Variants in AATF observed in about 807,000 individuals in gnomAD.
The protein encoded by AATF is apoptosis antagonizing transcription factor, also known as protein AATF.
In AATF, 48 loss-of-function variants were observed where a neutral mutation model predicts 63.7. The ratio of observed to expected loss-of-function variants is 0.75; its 90% CI spans 0.60 to 0.96. The LOEUF (loss-of-function observed/expected upper bound fraction) is 0.96, where lower values mean the gene tolerates loss of function less well. Among genes scored for constraint, AATF ranks in the 40% least tolerant of loss-of-function variants. The pLI is 0.00. For missense variants in AATF, 639 were observed against 685.7 expected (o/e 0.93, Z 0.76); for synonymous variants, 258 against 247.7 (o/e 1.04, Z -0.39).
intron 11 of AATF, among the ~76,000 whole-genome samples, chr17:37,041,175 T>C (rs551055315): frequency 6.6e-6 from 1 of 152,338 alleles, no homozygotes; most frequent in South Asian, 2.1e-4. Flanking sequence ...TACGTATGTG[T>C]TTGAATCTTT....
chr17:37,020,933 G>A lies in AATF; in HGVS notation c.1467-1G>A. ...CATAACATTGCTTGTGAATTTTCCA[G>A]GCAGTGGCTTGCAATCCAGAAGTTA... On this transcript the variant is annotated splice_acceptor_variant, in intron 9 of 11. Transcript: ENST00000619387. LOFTEE classifies it high-confidence loss of function. 2 of 1,610,152 alleles carry A rather than the reference G, an allele frequency of 1.2e-6. No individual in the cohort carries two copies. The highest frequency in any genetic ancestry group is 1.7e-6 in the Non-Finnish European group (2 of 1,178,236).
At chr17:37,009,589 G>A (rs1233524366) in intron 8 of AATF, among the ~76,000 whole-genome samples, 3 of 149,842 alleles carry the variant, frequency 2.0e-5, no homozygotes, top group Admixed American at 6.6e-5. Context: ...AGGCCGAGGC[G>A]GGTGGATCAT....
intron 11 of AATF, among the ~76,000 whole-genome samples, chr17:37,051,442 G>C (rs150553132): frequency 6.6e-6 from 1 of 152,268 alleles, no homozygotes; most frequent in Non-Finnish European, 1.5e-5. Flanking sequence ...AAGTGACATC[G>C]TGAAAGACAG....
rs140378714 is a variant in AATF at position 37,036,002 on chromosome 17, C to T, written c.1619+4317C>T. On this transcript the variant is annotated intron_variant, in intron 11 of 11. Transcript: ENST00000619387. ...GCAGTGGTGCAATCATAGCTCCCTG[C>T]AACCTCCAATTCCTGGGCTCAGGCC... 4.5e-4 allele frequency among the ~76,000 whole-genome samples: 68 copies of T among 152,236 alleles called. No homozygotes were observed. The East Asian group carries it at 0.013, about 28-fold the overall frequency.
At chr17:36,992,262 A>G (rs990296364) in intron 8 of AATF, among the ~76,000 whole-genome samples, 8 of 152,288 alleles carry the variant, frequency 5.3e-5, no homozygotes, top group African/African-American at 1.9e-4. Context: ...AATTATTGCC[A>G]TAAGTAAGTC....
At chr17:37,037,855 T>G (rs1393480582) in intron 11 of AATF, among the ~76,000 whole-genome samples, 2 of 152,212 alleles carry the variant, frequency 1.3e-5, no homozygotes, top group Non-Finnish European at 2.9e-5. Context: ...GCTGTCCTCA[T>G]AACAGTGAGT....
At chr17:36,969,829 C>T (rs1159604572) in intron 4 of AATF, among the ~76,000 whole-genome samples, 2 of 152,156 alleles carry the variant, frequency 1.3e-5, no homozygotes, top group Non-Finnish European at 2.9e-5. Flanking sequence ...CTATTTGTCC[C>T]TAGGCAACCA....
intron 1 of AATF, 29 bp from the exon 2 acceptor site, chr17:36,950,185 T>G: frequency 6.2e-7 from 1 of 1,603,894 alleles, no homozygotes; most frequent in Non-Finnish European, 8.5e-7. Context: ...ACCTGGAGAT[T>G]CTGTTTACTT....
At chr17:36,997,486 CT>C (rs1224666150) in intron 8 of AATF, among the ~76,000 whole-genome samples, 1 of 152,180 alleles carries the variant, frequency 6.6e-6, no homozygotes, top group Non-Finnish European at 1.5e-5. Flanking sequence ...CTCAGCATCG[CT>C]AATGATCAGG....
intron 11 of AATF, among the ~76,000 whole-genome samples, chr17:37,041,615 C>T (rs2071640840): frequency 6.6e-6 from 1 of 152,122 alleles, no homozygotes; most frequent in Non-Finnish European, 1.5e-5. Context: ...AAGTGATTCT[C>T]CTGCCTCAGC....
At chr17:36,974,353 TC>T (rs2142229139) in intron 4 of AATF, among the ~76,000 whole-genome samples, 1 of 152,320 alleles carries the variant, frequency 6.6e-6, no homozygotes, top group African/African-American at 2.4e-5. Context: ...GCATAGAGTT[TC>T]CATTGTGTGG....
At chr17:37,034,557 A>G (rs1034959072) in intron 11 of AATF, 1 of 152,164 alleles carries the variant, frequency 6.6e-6, no homozygotes, top group East Asian at 1.9e-4. Context: ...TGCCGGGGGC[A>G]TAGAGAATTT....
intron 8 of AATF, among the ~76,000 whole-genome samples, chr17:37,013,713 G>A (rs191374092): frequency 1.1e-3 from 174 of 152,258 alleles, no homozygotes; most frequent in African/African-American, 3.8e-3. Context: ...TCAGCATGAG[G>A]TTTGGAGGGG....
chr17:36,981,886 C>A (rs1414533831), intron 4 of AATF, among the ~76,000 whole-genome samples: 3 of 151,886 alleles, frequency 2.0e-5, no homozygotes, highest in Non-Finnish European at 4.4e-5. Flanking sequence ...ACTATCCTAA[C>A]CATTTTTAAG....
chr17:36,955,928 A>G (rs1401229600), intron 4 of AATF, among the ~76,000 whole-genome samples: 1 of 151,806 alleles, frequency 6.6e-6, no homozygotes, highest in Non-Finnish European at 1.5e-5. Context: ...ATGCCCGACT[A>G]ATTTTTTCTT....
At position 36,949,156 on chromosome 17, in the gene AATF, C is replaced by T. The variant is rs144866855; in HGVS notation, c.31C>T (p.Leu11=). The change falls in exon 1 of 12, where the codon CTG becomes TTG. Residue 11 remains leucine, a synonymous_variant. Transcript: ENST00000619387. ...GGGGCCGCAGCCCCTGGCGCTGCAA[C>T]TGGAACAGTTGTTGAACCCGCGACC... MAGPQPLALQ[L]EQLLNPRPSE... 9.6e-5 allele frequency: 152 copies of T among 1,589,694 alleles called. No homozygotes were observed. In the African/African-American group the frequency reaches 1.8e-3, roughly 19 times the overall value.
chr17:36,958,141 G>A (rs1174171665), intron 4 of AATF, among the ~76,000 whole-genome samples: 1 of 151,546 alleles, frequency 6.6e-6, no homozygotes, highest in Non-Finnish European at 1.5e-5. Flanking sequence ...TCTCTAAAAG[G>A]GTTTGCTTTT....
chr17:36,968,430 A>G (rs1018544752), intron 4 of AATF, among the ~76,000 whole-genome samples: 3 of 148,714 alleles, frequency 2.0e-5, no homozygotes, highest in Non-Finnish European at 3.0e-5. Context: ...GCACGCCACC[A>G]CGCCTAACTA....
At chr17:37,041,490 G>C (rs564279769) in intron 11 of AATF, among the ~76,000 whole-genome samples, 1 of 152,040 alleles carries the variant, frequency 6.6e-6, no homozygotes, top group Non-Finnish European at 1.5e-5. Flanking sequence ...TCTTTGCTAA[G>C]CTGGAGAGCT....
Sources: allele counts gnomAD v4.1 joint callset (sites outside exome capture counted in the v4.1 genomes callset), GRCh38; gene constraint gnomAD v4.1.1; transcripts MANE v1.5; gene names NCBI Gene and HGNC (gene_info 2026-07-23, HGNC 2026-07-21).